The following FBXO39 variants were observed in gnomAD, a reference collection of about 807,000 sequenced individuals.
FBXO39 encodes the protein F-box protein 39, also known as F-box only protein 39.
A neutral mutation model predicts 36.6 loss-of-function variants in FBXO39; 22 were observed. The observed-to-expected ratio is 0.60, with a 90% CI of 0.43 to 0.86. The LOEUF is 0.86. FBXO39 is among the 40% of genes least tolerant of loss of function. The pLI is 0.00. For missense variants in FBXO39, 536 were observed against 543.9 expected, an observed-to-expected ratio of 0.99 and a Z score of 0.14; for synonymous variants, 206 against 205.8, an observed-to-expected ratio of 1.00 and a Z score of -0.01.
In FBXO39 at chr17:6,779,863, TC is replaced by T; in HGVS notation, c.-4del. On this transcript the variant is annotated 5_prime_UTR_variant, in exon 2 of 4. Coordinates refer to ENST00000321535, the MANE Select transcript of FBXO39 (RefSeq NM_153230.3). The stretch of plus-strand genomic sequence containing the variant: ...ACACAGCTGCACTGTACATCCCAGT[TC>T]CTGGATGGACGAAGAAAGTGAACTG... The T allele has an allele frequency of 3.7e-6, 6 of 1,613,704 alleles. No individual in the cohort carries two copies. Among genetic ancestry groups the T allele is most frequent in the Non-Finnish European group, 5.1e-6 (6 of 1,179,872 alleles).
At chr17:6,784,072 A>T (rs112868021) in intron 2 of FBXO39, among the ~76,000 whole-genome samples, 1 of 152,134 alleles carries the variant, frequency 6.6e-6, no homozygotes, top group Non-Finnish European at 1.5e-5. Context: ...ATCCTGACCA[A>T]GTGGGATTTA....
In FBXO39 at chr17:6,780,288, A is replaced by T; in HGVS notation, c.420A>T (p.Val140=). ...SIQYLELDRL[V]WRNSIRSSFI... ...AATACCTGGAGCTGGACCGCCTGGT[A>T]TGGAGGAACAGCATCAGGAGCTCAT... Residue 140 remains valine, a synonymous_variant, in exon 2 of 4, where the codon GTA becomes GTT. Coordinates refer to ENST00000321535, the MANE Select transcript of FBXO39 (RefSeq NM_153230.3). 1 of 1,614,106 alleles carries T rather than the reference A, an allele frequency of 6.2e-7. No individual in the cohort carries two copies. Among genetic ancestry groups the T allele is most frequent in the Non-Finnish European group, 8.5e-7 (1 of 1,180,012 alleles).
At chr17:6,784,712 A>C (rs923480502) in intron 2 of FBXO39, among the ~76,000 whole-genome samples, 2 of 152,046 alleles carry the variant, frequency 1.3e-5, no homozygotes, top group African/African-American at 4.8e-5. Context: ...GAAGGAATGA[A>C]AGATCTCTAC....
rs766692719 is a variant in FBXO39 at position 6,787,372 on chromosome 17, AGAAAGCTGATC to A, written c.1277_1287del (p.Lys426IlefsTer4). On this transcript the variant is annotated frameshift_variant, in exon 4 of 4. Coordinates refer to ENST00000321535, the MANE Select transcript of FBXO39 (RefSeq NM_153230.3). LOFTEE classifies it high-confidence loss of function. The stretch of plus-strand genomic sequence containing the variant: ...CCTGCAGGAAATTTACAGGAAGTAC[AGAAAGCTGATC>A]GAATCAGAGCTTAGCTATTTTGTCA... The A allele has an allele frequency of 1.2e-6, 2 of 1,614,166 alleles. No individual in the cohort carries two copies. Among genetic ancestry groups the A allele is most frequent in the East Asian group, 4.5e-5 (2 of 44,884 alleles).
chr17:6,777,437 A>C (rs1365574008), intron 1 of FBXO39, among the ~76,000 whole-genome samples: 1 of 152,010 alleles, frequency 6.6e-6, no homozygotes, highest in African/African-American at 2.4e-5. Flanking sequence ...AAGGACATGA[A>C]CTCATTCTTT....
At chr17:6,777,871 T>C (rs1976452604) in intron 1 of FBXO39, among the ~76,000 whole-genome samples, 1 of 152,216 alleles carries the variant, frequency 6.6e-6, no homozygotes, top group Non-Finnish European at 1.5e-5. Flanking sequence ...CGGGCTGCTG[T>C]TCAGTCCTTT....
chr17:6,777,571 C>T (rs913255519), intron 1 of FBXO39, among the ~76,000 whole-genome samples: 3 of 152,312 alleles, frequency 2.0e-5, no homozygotes, highest in Admixed American at 1.3e-4. Flanking sequence ...TGGTTTATCT[C>T]TTCTGCAGCA....
At chr17:6,787,193 TTGC>T in intron 3 of FBXO39, 104 bp from the exon 4 acceptor site, 1 of 1,500,758 alleles carries the variant, frequency 6.7e-7, no homozygotes, top group Non-Finnish European at 8.9e-7. Flanking sequence ...ATCATTTAAG[TTGC>T]TGTCAAGCCC....
At chr17:6,785,312 C>A (rs1435067457) in intron 2 of FBXO39, among the ~76,000 whole-genome samples, 1 of 152,068 alleles carries the variant, frequency 6.6e-6, no homozygotes, top group Non-Finnish European at 1.5e-5. Flanking sequence ...TGAAACTAGA[C>A]CACTATCTCT....
intron 2 of FBXO39, among the ~76,000 whole-genome samples, chr17:6,784,953 G>GTGTA (rs1302291142): frequency 8.8e-6 from 1 of 113,828 alleles, no homozygotes; most frequent in Non-Finnish European, 1.8e-5. Context: ...GTGTGTGTGT[G>GTGTA]TATATATATA....
At position 6,780,588 on chromosome 17, in the gene FBXO39, G is replaced by A; in HGVS notation, c.720G>A (p.Leu240=). ...ACTACAACTGTATCTCCGACGAGCT[G>A]CTTGAGAACTTGTGTGAGAATGCCA... ...NLNYNCISDE[L]LENLCENAST... is the part of the protein sequence containing the mutation. Residue 240 remains leucine, a synonymous_variant, in exon 2 of 4, where the codon CTG becomes CTA. Coordinates refer to ENST00000321535, the MANE Select transcript of FBXO39 (RefSeq NM_153230.3). 2.5e-6 allele frequency: 4 copies of A among 1,614,042 alleles called. No individual in the cohort carries two copies. Among genetic ancestry groups the A allele is most frequent in the Non-Finnish European group, 3.4e-6 (4 of 1,180,032 alleles).
chr17:6,786,154 C>A (rs12942198), intron 2 of FBXO39, among the ~76,000 whole-genome samples: 7,867 of 152,266 alleles, frequency 0.052, 268 homozygotes, highest in South Asian at 0.079. Context: ...CAATGGAGTA[C>A]TATTCAGTCA....
In FBXO39 at chr17:6,780,371, AC is replaced by A. The variant is rs1459938191; in HGVS notation, c.505del (p.Leu169Ter). On this transcript the variant is annotated frameshift_variant, in exon 2 of 4. Coordinates refer to ENST00000321535, the MANE Select transcript of FBXO39 (RefSeq NM_153230.3). LOFTEE classifies it high-confidence loss of function. ...KKMGKRLDYL[N>X]LKGARLTVEQ... ...ATGGGCAAACGCCTGGATTATCTCAACCTAAAAGGGGCCAGGCTGACCGTGG... is the reference window on the plus strand; with the variant it reads ...ATGGGCAAACGCCTGGATTATCTCAACTAAAAGGGGCCAGGCTGACCGTGG... The A allele has an allele frequency of 1.8e-5, 29 of 1,613,900 alleles. No homozygotes were observed. Among genetic ancestry groups the A allele is most frequent in the Non-Finnish European group, 2.5e-5 (29 of 1,180,004 alleles).
At chr17:6,784,112 T>G (rs78877359) in intron 2 of FBXO39, among the ~76,000 whole-genome samples, 7,266 of 152,140 alleles carry the variant, frequency 0.048, 245 homozygotes, top group Non-Finnish European at 0.074. Flanking sequence ...GTTCAAAATA[T>G]GCAAATAAAT....
rs1976495193 is a variant in FBXO39 at position 6,780,563 on chromosome 17, A to G, written c.695A>G (p.Asn232Ser). 4 of 1,613,882 alleles carry G rather than the reference A, an allele frequency of 2.5e-6. No homozygotes were observed. Among genetic ancestry groups the G allele is most frequent in the African/African-American group, 1.3e-5 (1 of 74,878 alleles). The change falls in exon 2 of 4, where the codon AAC becomes AGC. Residue 232 changes from asparagine (N) to serine (S), a missense_variant. Physicochemically the swap from Asn to Ser is conservative, Grantham distance 46. Transcript: ENST00000321535. The part of the protein sequence containing the change: ...TFHNLVSLNL[N>S]YNCISDELLE... ...CACAATCTTGTGTCCCTGAACCTCA[A>G]CTACAACTGTATCTCCGACGAGCTG...
chr17:6,777,840 G>A (rs1033162170), intron 1 of FBXO39, among the ~76,000 whole-genome samples: 12 of 152,330 alleles, frequency 7.9e-5, no homozygotes, highest in Admixed American at 3.3e-4. Flanking sequence ...GAACCACTAG[G>A]GCGCCACGTC....
In FBXO39 at chr17:6,780,536, T is replaced by C. The variant is rs372175030; in HGVS notation, c.668T>C (p.Phe223Ser). 6.2e-7 allele frequency: 1 copy of C among 1,614,088 alleles called. No homozygotes were observed. Among genetic ancestry groups the C allele is most frequent in the East Asian group, 2.2e-5 (1 of 44,870 alleles). Reference sequence around the variant, plus strand: ...CAGTTCAAAAAGACCATGTCCACATTCCACAATCTTGTGTCCCTGAACCTC... The same window carrying C: ...CAGTTCAAAAAGACCATGTCCACATCCCACAATCTTGTGTCCCTGAACCTC... ...SPQFKKTMST[F>S]HNLVSLNLNY... The change falls in exon 2 of 4, where the codon TTC (phenylalanine) becomes TCC (serine). Residue 223 changes from phenylalanine to serine, a missense_variant. Phe to Ser is a radical substitution (Grantham distance 155). Coordinates refer to ENST00000321535, the MANE Select transcript of FBXO39 (RefSeq NM_153230.3).
In FBXO39 at chr17:6,786,813, T is replaced by G. The variant is rs752196704; in HGVS notation, c.1057T>G (p.Ser353Ala). The G allele has an allele frequency of 3.1e-6, 5 of 1,612,080 alleles. No homozygotes were observed. Among genetic ancestry groups the G allele is most frequent in the Non-Finnish European group, 4.2e-6 (5 of 1,179,228 alleles). Residue 353 changes from serine to alanine, a missense_variant, in exon 3 of 4, where the codon TCA (serine) becomes GCA (alanine). Coordinates refer to ENST00000321535, the MANE Select transcript of FBXO39 (RefSeq NM_153230.3). The stretch of plus-strand genomic sequence containing the variant: ...TTGTGAATTCAACAACAACCATGAG[T>G]CACTCGACGAGGAGCTGCACCTCCT... ...LTCEFNNNHE[S>A]LDEELHLLII...
At chr17:6,784,831 C>T (rs887461313) in intron 2 of FBXO39, among the ~76,000 whole-genome samples, 42 of 151,962 alleles carry the variant, frequency 2.8e-4, no homozygotes, top group African/African-American at 9.9e-4. Context: ...AATGTTTATA[C>T]TATCGAAAGC....
Sources: allele counts gnomAD v4.1 joint callset (sites outside exome capture counted in the v4.1 genomes callset), GRCh38; gene constraint gnomAD v4.1.1; transcripts MANE v1.5; gene names NCBI Gene and HGNC (gene_info 2026-07-23, HGNC 2026-07-21).